PRRC1: variants seen among roughly 807,000 people sequenced by gnomAD.
PRRC1 encodes protein PRRC1.
PRRC1 carries 39 observed loss-of-function variants against 40.7 expected under a neutral mutation model. The ratio of observed to expected loss-of-function variants is 0.96; its 90% confidence interval spans 0.74 to 1.25. PRRC1 has a LOEUF of 1.25. PRRC1 is among the 50% of genes most tolerant of loss of function. The pLI, the probability that PRRC1 is intolerant of heterozygous loss-of-function variation, is 0.00. For missense variants in PRRC1, 573 were observed against 548.3 expected, an observed-to-expected ratio of 1.05 and a Z score of -0.45; for synonymous variants, 175 against 193.3, an observed-to-expected ratio of 0.91 and a Z score of 0.79.
chr5:127,551,691 T>G lies in PRRC1; in HGVS notation c.1129-16T>G. On this transcript the variant is annotated splice_polypyrimidine_tract_variant and intron_variant, in intron 8 of 8. Coordinates refer to ENST00000296666, the MANE Select transcript of PRRC1 (RefSeq NM_130809.5). ...TTAAATGTATTATAAGTAATATCAATTTCATCTTTCCACAGGCTCAAAGTC... is the reference window on the plus strand; with the variant it reads ...TTAAATGTATTATAAGTAATATCAAGTTCATCTTTCCACAGGCTCAAAGTC... 1.2e-6 allele frequency: 2 copies of G among 1,612,818 alleles called. No homozygotes were observed. Among genetic ancestry groups the G allele is most frequent in the Non-Finnish European group, 1.7e-6 (2 of 1,178,878 alleles).
intron 5 of PRRC1, among the ~76,000 whole-genome samples, chr5:127,531,570 C>T (rs1209516461): frequency 3.3e-5 from 5 of 150,508 alleles, no homozygotes; most frequent in Non-Finnish European, 7.4e-5. Context: ...TTATTTAATC[C>T]TTAGAGCAAA....
intron 7 of PRRC1, among the ~76,000 whole-genome samples, chr5:127,543,198 G>GC (rs1768103312): frequency 6.6e-6 from 1 of 152,046 alleles, no homozygotes; most frequent in African/African-American, 2.4e-5. Flanking sequence ...TTGAATATTG[G>GC]CCCCCACTCT....
At chr5:127,539,733 T>C (rs957083474) in intron 7 of PRRC1, among the ~76,000 whole-genome samples, 1 of 152,144 alleles carries the variant, frequency 6.6e-6, no homozygotes, top group African/African-American at 2.4e-5. Flanking sequence ...TTTTATTTGT[T>C]TGTTCAGTGT....
At chr5:127,546,774 T>G (rs1255144632) in intron 7 of PRRC1, among the ~76,000 whole-genome samples, 1 of 152,178 alleles carries the variant, frequency 6.6e-6, no homozygotes, top group East Asian at 1.9e-4. Flanking sequence ...TAAGGCAAAA[T>G]AAAATTTAGC....
In PRRC1 at chr5:127,518,606, GCTCA is replaced by G. The variant is rs547030213; in HGVS notation, c.-21+833_-21+836del. On this transcript the variant is annotated intron_variant, in intron 1 of 8. Coordinates refer to ENST00000296666, the MANE Select transcript of PRRC1 (RefSeq NM_130809.5). ...GGGGTCAGATTAGGCTCTAACTAGC[GCTCA>G]CTGTTTGGTAGTAGAGACAATCTTG... 2.6e-3 allele frequency among the ~76,000 whole-genome samples: 390 copies of G among 152,216 alleles called. 3 individuals carry two copies. The highest frequency in any genetic ancestry group is 2.4e-3 in the Non-Finnish European group (165 of 68,002).
At chr5:127,550,073 G>A (rs905712141) in intron 8 of PRRC1, 1 of 151,812 alleles carries the variant, frequency 6.6e-6, no homozygotes, top group African/African-American at 2.4e-5. Context: ...TAGCAGGCGT[G>A]TGTATGTGTG....
chr5:127,551,022 A>G (rs1561690093), intron 8 of PRRC1: 1 of 152,238 alleles, frequency 6.6e-6, no homozygotes, highest in Non-Finnish European at 1.5e-5. Flanking sequence ...ATTGTAATAC[A>G]TGGCACATTT....
chr5:127,533,555 G>A (rs1362581593), intron 5 of PRRC1, 68 bp from the exon 6 acceptor site: 2 of 1,297,838 alleles, frequency 1.5e-6, no homozygotes, highest in Non-Finnish European at 2.2e-6. Flanking sequence ...TTAGCACCTG[G>A]TATGGTAGTA....
rs571409133 is a variant in PRRC1, at chr5:127,536,460, A to T, written c.922-2580A>T. Among the ~76,000 whole-genome samples the T allele has an allele frequency of 2.0e-5, 3 of 152,226 alleles. No individual in the cohort carries two copies. In the East Asian group the frequency reaches 5.8e-4, roughly 29 times the overall value. On this transcript the variant is annotated intron_variant, in intron 6 of 8. Transcript: ENST00000296666. ...ACTTAGATTGAGAATGTATTTGAAG[A>T]TTTCCCAAGAGGTTTTGCAAGTTGG...
At chr5:127,545,592 C>T (rs762990034) in intron 7 of PRRC1, among the ~76,000 whole-genome samples, 2 of 136,484 alleles carry the variant, frequency 1.5e-5, no homozygotes, top group Non-Finnish European at 3.0e-5. Flanking sequence ...ACAATGAGAA[C>T]ACATGGACAC....
In PRRC1 at chr5:127,553,610, A is replaced by G. The variant is rs1290689747; in HGVS notation, c.*1694A>G. On this transcript the variant is annotated 3_prime_UTR_variant, in exon 9 of 9. Transcript: ENST00000296666. ...ATGATGACAACAACAGTCTTTCATT[A>G]CAGACTGAAGGGAAGCATGTCCTTA... The G allele has an allele frequency of 7.3e-7, 1 of 1,361,506 alleles. No homozygotes were observed. Among genetic ancestry groups the G allele is most frequent in the Non-Finnish European group, 9.5e-7 (1 of 1,056,648 alleles). The allele number at this position is 1,361,506 out of a possible 1,614,324, so 84.3% of individuals were successfully genotyped here. A position where few individuals can be genotyped will look rare whatever the true frequency, so the allele number is the denominator to read the frequency against.
At chr5:127,535,464 A>G (rs1165659691) in intron 6 of PRRC1, among the ~76,000 whole-genome samples, 1 of 152,206 alleles carries the variant, frequency 6.6e-6, no homozygotes, top group South Asian at 2.1e-4. Context: ...AGAAGAAGTC[A>G]GGGCACTGCC....
intron 1 of PRRC1, among the ~76,000 whole-genome samples, chr5:127,521,773 C>G (rs1005530578): frequency 2.6e-5 from 4 of 152,146 alleles, no homozygotes; most frequent in East Asian, 1.9e-4. Flanking sequence ...TTGAATGTAT[C>G]TTGTTCTTCC....
rs557020849 is a variant in PRRC1, at chr5:127,551,496, G to A, written c.1129-211G>A. ...TTCCGACTGTTAGCCTCGTTAATGG[G>A]GATATTTTTTAAAAAATAGATGTGT... On this transcript the variant is annotated intron_variant, in intron 8 of 8. Transcript: ENST00000296666. The A allele has an allele frequency of 4.4e-5, 24 of 546,514 alleles. No individual in the cohort carries two copies. In the South Asian group the frequency reaches 5.1e-4, roughly 12 times the overall value. 33.9% of individuals were successfully genotyped at this position (546,514 alleles called of 1,614,324 possible).
At chr5:127,540,240 T>TA (rs1768005591) in intron 7 of PRRC1, among the ~76,000 whole-genome samples, 1 of 152,118 alleles carries the variant, frequency 6.6e-6, no homozygotes, top group Non-Finnish European at 1.5e-5. Flanking sequence ...TTTTTTTTAT[T>TA]AACCTGTTAC....
rs1405366478 is a variant in PRRC1, at chr5:127,526,587, T to G, written c.494-31T>G. On this transcript the variant is annotated intron_variant, in intron 3 of 8. Coordinates refer to ENST00000296666, the MANE Select transcript of PRRC1 (RefSeq NM_130809.5). ...ATAGGAAAAAGTTTATGGAATAAATTATACATATGAAAATTTTTGCCATTG... is the reference window on the plus strand; with the variant it reads ...ATAGGAAAAAGTTTATGGAATAAATGATACATATGAAAATTTTTGCCATTG... 1.9e-6 allele frequency: 3 copies of G among 1,569,024 alleles called. No individual in the cohort carries two copies. In the East Asian group the frequency reaches 6.8e-5, roughly 35 times the overall value.
At chr5:127,531,386 A>G (rs1186242828) in intron 5 of PRRC1, among the ~76,000 whole-genome samples, 2 of 152,122 alleles carry the variant, frequency 1.3e-5, no homozygotes, top group Non-Finnish European at 2.9e-5. Flanking sequence ...CATTAAATCA[A>G]CTGAGTTGTT....
intron 8 of PRRC1, 71 bp from the exon 9 acceptor site, chr5:127,551,636 T>C: frequency 2.1e-6 from 3 of 1,448,992 alleles, no homozygotes; most frequent in Non-Finnish European, 2.9e-6. Flanking sequence ...CACTTTGAAA[T>C]GTCACTTATA....
In PRRC1 at chr5:127,524,614, C is replaced by A; in HGVS notation, c.187C>A (p.Leu63Ile). Reference protein sequence around the residue: ...PLAYSTPQPPLPPVRPSAPLP... With the variant: ...PLAYSTPQPPIPPVRPSAPLP... ...CGCATACTCTACTCCTCAGCCGCCCCTTCCTCCTGTGAGGCCTTCAGCACC... is the reference window on the plus strand; with the variant it reads ...CGCATACTCTACTCCTCAGCCGCCCATTCCTCCTGTGAGGCCTTCAGCACC... Residue 63 changes from leucine to isoleucine, a missense_variant, in exon 3 of 9, where the codon CTT (leucine) becomes ATT (isoleucine). Leu to Ile is a conservative substitution (Grantham distance 5, BLOSUM62 2). Coordinates refer to ENST00000296666, the MANE Select transcript of PRRC1 (RefSeq NM_130809.5). 1.2e-6 allele frequency: 2 copies of A among 1,614,194 alleles called. No homozygotes were observed. The highest frequency in any genetic ancestry group is 1.1e-5 in the South Asian group (1 of 91,074).
Sources: gnomAD v4.1 joint callset for allele counts (sites outside exome capture counted in the v4.1 genomes callset) on GRCh38, gnomAD v4.1.1 for gene constraint, MANE v1.5 for transcripts, NCBI Gene and HGNC (gene_info 2026-07-23, HGNC 2026-07-21) for gene names.